The following SPMIP6 variants were observed in gnomAD, a reference collection of about 807,000 sequenced individuals.
SPMIP6 encodes the protein sperm microtubule inner protein 6.
At chr9:34,394,790 G>T in the SPMIP6 span, among the ~76,000 whole-genome samples, 1 of 151,976 alleles carries the variant, frequency 6.6e-6, no homozygotes, top group Non-Finnish European at 1.5e-5. Flanking sequence ...GCTAATAATG[G>T]CATTTGTCCT....
At chr9:34,380,601 AC>A in the SPMIP6 span, 1 of 1,446,236 alleles carries the variant, frequency 6.9e-7, no homozygotes, top group Non-Finnish European at 9.1e-7. Context: ...TTCCTCAAAA[AC>A]CCTCTGACGG....
At chr9:34,390,600 C>T in the SPMIP6 span, among the ~76,000 whole-genome samples, 55 of 152,176 alleles carry the variant, frequency 3.6e-4, no homozygotes, top group Non-Finnish European at 7.1e-4. Flanking sequence ...TTTTTATACA[C>T]TACCGGATAC....
chr9:34,379,095 G>C, the SPMIP6 span: 4 of 1,609,668 alleles, frequency 2.5e-6, no homozygotes, highest in African/African-American at 4.0e-5. The surrounding 1 kb of genome is among the most constrained non-coding windows in gnomAD (Gnocchi z 4.2). Flanking sequence ...ACGATAGTCG[G>C]GATAGGTCTC....
At chr9:34,394,018 C>T in the SPMIP6 span, among the ~76,000 whole-genome samples, 3 of 152,296 alleles carry the variant, frequency 2.0e-5, no homozygotes, top group Admixed American at 2.0e-4. Context: ...GACAAGGTCT[C>T]ACTATGTTGC....
chr9:34,387,626 C>A, the SPMIP6 span, among the ~76,000 whole-genome samples: 5 of 152,198 alleles, frequency 3.3e-5, no homozygotes, highest in African/African-American at 4.8e-5. Context: ...GATACACACA[C>A]ACACAAACAA....
chr9:34,379,238 G>C, the SPMIP6 span: 1 of 1,067,510 alleles, frequency 9.4e-7, no homozygotes, highest in South Asian at 1.3e-5. The surrounding 1 kb of genome is among the most constrained non-coding windows in gnomAD (Gnocchi z 4.2). Context: ...GTGAATATCT[G>C]ACTCCAGTTT....
At chr9:34,386,544 G>C in the SPMIP6 span, among the ~76,000 whole-genome samples, 83 of 150,538 alleles carry the variant, frequency 5.5e-4, no homozygotes, top group African/African-American at 1.9e-3. Context: ...AGCTGAGATC[G>C]TGCCACTGCA....
chr9:34,388,784 C>T, the SPMIP6 span, among the ~76,000 whole-genome samples: 1 of 152,032 alleles, frequency 6.6e-6, no homozygotes, highest in South Asian at 2.1e-4. Context: ...AACATGTGTT[C>T]AATTTTAACC....
At chr9:34,384,068 G>A in the SPMIP6 span, among the ~76,000 whole-genome samples, 7 of 152,170 alleles carry the variant, frequency 4.6e-5, no homozygotes, top group Admixed American at 1.3e-4. Flanking sequence ...TATGCGACAC[G>A]GTGTGGAGGA....
the SPMIP6 span, chr9:34,380,787 G>C: frequency 2.6e-6 from 4 of 1,544,530 alleles, no homozygotes; most frequent in African/African-American, 2.7e-5. Flanking sequence ...CGCGGGGCTA[G>C]AGCAGGCTGG....
the SPMIP6 span, among the ~76,000 whole-genome samples, chr9:34,394,281 G>A: frequency 6.6e-6 from 1 of 152,068 alleles, no homozygotes; most frequent in African/African-American, 2.4e-5. Flanking sequence ...TCAGCCTCCT[G>A]AGTAGCTGGG....
At chr9:34,390,673 C>G in the SPMIP6 span, among the ~76,000 whole-genome samples, 2 of 152,104 alleles carry the variant, frequency 1.3e-5, no homozygotes, top group Admixed American at 1.3e-4. Context: ...GGACTGTATA[C>G]TTTTATTTTC....
At chr9:34,381,469 C>T in the SPMIP6 span, 8 of 1,613,982 alleles carry the variant, frequency 5.0e-6, 1 homozygote, top group South Asian at 8.8e-5. This position sits in a 1 kb window ranked among gnomAD's most constrained non-coding sequence, Gnocchi z 4.4. Context: ...CATGCTACCT[C>T]AAGCTCTGAC....
At chr9:34,381,580 G>A in the SPMIP6 span, 49 of 1,482,772 alleles carry the variant, frequency 3.3e-5, no homozygotes, top group Admixed American at 6.6e-4. This position sits in a 1 kb window ranked among gnomAD's most constrained non-coding sequence, Gnocchi z 4.4. Flanking sequence ...CCTCTCCAGG[G>A]CTCTGTGTTG....
At chr9:34,393,170 G>C in the SPMIP6 span, among the ~76,000 whole-genome samples, 1 of 152,122 alleles carries the variant, frequency 6.6e-6, no homozygotes, top group Non-Finnish European at 1.5e-5. Flanking sequence ...TAGAACAATG[G>C]GAGAATCTAG....
At chr9:34,380,961 C>T in the SPMIP6 span, 9 of 1,605,940 alleles carry the variant, frequency 5.6e-6, no homozygotes, top group Non-Finnish European at 7.6e-6. Flanking sequence ...GCCCCGCTGG[C>T]GTAGTAGTCC....
chr9:34,379,295 G>A, the SPMIP6 span: 3 of 710,872 alleles, frequency 4.2e-6, no homozygotes, highest in Non-Finnish European at 5.1e-6. This position sits in a 1 kb window ranked among gnomAD's most constrained non-coding sequence, Gnocchi z 4.2. Context: ...ACTGACCTTG[G>A]GTTCCAATAC....
At chr9:34,385,535 C>CA in the SPMIP6 span, 54,701 of 291,908 alleles carry the variant, frequency 0.19, 3,127 homozygotes, top group Non-Finnish European at 0.2. Context: ...AACTCCGTCT[C>CA]AAAAAAAAAA....
At chr9:34,389,380 C>A in the SPMIP6 span, among the ~76,000 whole-genome samples, 14 of 152,184 alleles carry the variant, frequency 9.2e-5, no homozygotes, top group Non-Finnish European at 1.8e-4. Flanking sequence ...CATATTTAAT[C>A]TGTCAGGAGT....
Sources: gnomAD v4.1 joint callset for allele counts (sites outside exome capture counted in the v4.1 genomes callset) on GRCh38, gnomAD v4.1.1 for gene constraint, Gnocchi (gnomAD v3.1) non-coding constraint, MANE v1.5 for transcripts, NCBI Gene and HGNC (gene_info 2026-07-23, HGNC 2026-07-21) for gene names.